CYLD: variants seen among roughly 807,000 people sequenced by gnomAD.
CYLD encodes CYLD lysine 63 deubiquitinase.
Under a neutral mutation model 104.5 loss-of-function variants are expected in CYLD, and 26 were observed. The ratio of observed to expected loss-of-function variants is 0.25; its 90% CI spans 0.18 to 0.35. The LOEUF (loss-of-function observed/expected upper bound fraction) is 0.35, where lower values mean the gene tolerates loss of function less well. Ranked by LOEUF, CYLD falls within the 10% of genes least tolerant of loss-of-function variation. The probability of loss-of-function intolerance (pLI) is 1.00; values close to 1 mark genes in which losing one functional copy is unlikely to be tolerated. For missense variants in CYLD, 703 were observed against 1,136.1 expected (o/e 0.62, Z 5.48); for synonymous variants, 385 against 399.9 (o/e 0.96, Z 0.45).
At chr16:50,745,261 A>T (rs903777790) in intron 2 of CYLD, among the ~76,000 whole-genome samples, 1 of 150,326 alleles carries the variant, frequency 6.7e-6, no homozygotes, top group African/African-American at 2.5e-5. Context: ...TTTTTCCTTC[A>T]GTTGTCTTAC....
In CYLD at chr16:50,751,866, C is replaced by A; in HGVS notation, c.767C>A (p.Pro256Gln). 6.2e-7 allele frequency: 1 copy of A among 1,611,952 alleles called. No homozygotes were observed. Among genetic ancestry groups the A allele is most frequent in the South Asian group, 1.1e-5 (1 of 90,982 alleles). ...ACAGTTATATTCTGTGATGTTTTGCCAGGAAAAGAAAGCTTAGGATATTTT... is the reference window on the plus strand; with the variant it reads ...ACAGTTATATTCTGTGATGTTTTGCAAGGAAAAGAAAGCTTAGGATATTTT... ...SGTVIFCDVL[P>Q]GKESLGYFVG... Residue 256 changes from proline (P) to glutamine (Q), a missense_variant, in exon 4 of 19, where the codon CCA (proline) becomes CAA (glutamine). Physicochemically the swap from Pro to Gln is moderately conservative, Grantham distance 76. Coordinates refer to ENST00000427738, the MANE Select transcript of CYLD (RefSeq NM_001378743.1).
Position 50,799,450 on chromosome 16 carries a change from G to C in CYLD, c.*2942G>C. The C allele has an allele frequency of 4.3e-6, 1 of 233,654 alleles. No homozygotes were observed. The highest frequency in any genetic ancestry group is 8.5e-6 in the Non-Finnish European group (1 of 117,988). The allele number at this position is 233,654 out of a possible 1,614,324, so 14.5% of individuals were successfully genotyped here. A position where few individuals can be genotyped will look rare whatever the true frequency, so the allele number is the denominator to read the frequency against. Reference sequence around the variant, plus strand: ...CACAGAAGAATGTTTTATAAGACTAGGAAAACACGTTGAAAACTAGGATAA... The same window carrying C: ...CACAGAAGAATGTTTTATAAGACTACGAAAACACGTTGAAAACTAGGATAA... On this transcript the variant is annotated 3_prime_UTR_variant, in exon 19 of 19. Coordinates refer to ENST00000427738, the MANE Select transcript of CYLD (RefSeq NM_001378743.1).
intron 2 of CYLD, chr16:50,744,836 G>A (rs188438281): frequency 3.9e-5 from 6 of 152,296 alleles, no homozygotes; most frequent in East Asian, 3.8e-4. Context: ...TCCAACTCTC[G>A]TCTTGGTTGA....
In CYLD at chr16:50,797,407, C is replaced by A. The variant is rs895898842; in HGVS notation, c.*899C>A. 4.3e-5 allele frequency: 10 copies of A among 232,002 alleles called. No homozygotes were observed. The highest frequency in any genetic ancestry group is 1.8e-4 in the African/African-American group (8 of 45,276). 14.4% of individuals were successfully genotyped at this position (232,002 alleles called of 1,614,324 possible). The stretch of plus-strand genomic sequence containing the variant: ...TTCCTGGGAGAGATGGATATTTAAA[C>A]CTCTATTATTTTAGACAAGACTGTC... On this transcript the variant is annotated 3_prime_UTR_variant, in exon 19 of 19. Transcript: ENST00000427738.
intron 5 of CYLD, among the ~76,000 whole-genome samples, chr16:50,756,708 C>T (rs1218154425): frequency 6.6e-6 from 1 of 152,170 alleles, no homozygotes; most frequent in African/African-American, 2.4e-5. Flanking sequence ...GGCCTGCAGG[C>T]AGACTGTAGC....
At chr16:50,748,928 C>T (rs1966414270) in intron 2 of CYLD, among the ~76,000 whole-genome samples, 1 of 152,164 alleles carries the variant, frequency 6.6e-6, no homozygotes. Flanking sequence ...TGGGACAGGC[C>T]TGGTGGCTTA....
chr16:50,779,646 A>G lies in CYLD; in HGVS notation c.1139-19A>G. The G allele has an allele frequency of 1.2e-6, 2 of 1,612,046 alleles. No homozygotes were observed. The highest frequency in any genetic ancestry group is 1.7e-6 in the Non-Finnish European group (2 of 1,178,824). On this transcript the variant is annotated intron_variant, in intron 8 of 18. Transcript: ENST00000427738. ...CAATATCCTTGAATACATTTCTGTA[A>G]TTAGGAATAATTTTTTAGTTGCAGA...
At chr16:50,776,336 AT>A (rs1178941762) in intron 7 of CYLD, 59 bp downstream of exon 7, 2 of 1,153,978 alleles carry the variant, frequency 1.7e-6, no homozygotes, top group African/African-American at 3.0e-5. Context: ...TTGCCATAGC[AT>A]TAAAAAAGAT....
Position 50,755,238 on chromosome 16 carries a change from TAC to T in CYLD, c.913+820_913+821del, listed in dbSNP as rs1426253184. On this transcript the variant is annotated intron_variant, in intron 5 of 18. Coordinates refer to ENST00000427738, the MANE Select transcript of CYLD (RefSeq NM_001378743.1). ...ACACACGTGTACATATGTGTGTATA[TAC>T]ACACATATGTGTACTACATTTTCTT... Among the ~76,000 whole-genome samples the T allele has an allele frequency of 3.3e-5, 5 of 150,898 alleles. No homozygotes were observed. In the South Asian group the frequency reaches 8.3e-4, roughly 25 times the overall value.
chr16:50,793,399 A>C (rs1381031759), intron 16 of CYLD, 147 bp from the exon 17 acceptor site: 1 of 742,198 alleles, frequency 1.3e-6, no homozygotes, highest in Non-Finnish European at 2.5e-6. Flanking sequence ...ACTAACTGAG[A>C]GCTTAAGCAG....
At chr16:50,782,571 A>T in intron 11 of CYLD, 105 bp downstream of exon 11, 1 of 1,232,912 alleles carries the variant, frequency 8.1e-7, no homozygotes, top group Non-Finnish European at 1.2e-6. Context: ...AGAAACTGCC[A>T]TCTGCCTCTG....
intron 1 of CYLD, 183 bp downstream of exon 1, chr16:50,742,307 G>C: frequency 6.6e-6 from 1 of 151,262 alleles, no homozygotes; most frequent in Non-Finnish European, 1.5e-5. Context: ...AGCCGCCGCG[G>C]CGACCATCGG....
intron 5 of CYLD, among the ~76,000 whole-genome samples, chr16:50,756,454 T>C (rs757643543): frequency 6.6e-6 from 1 of 152,224 alleles, no homozygotes; most frequent in Admixed American, 6.5e-5. Flanking sequence ...TAGTCAGAAA[T>C]AGATTGCTCA....
rs1484765330 is a variant in CYLD, at chr16:50,750,191, G to A, written c.493G>A (p.Val165Ile). ...ERTVSGIFFG[V>I]ELLEEGRGQG... ...GACAGTCTCCGGAATATTCTTTGGAGTTGAATTGCTGGTAAGTTTGATAAA... is the reference window on the plus strand; with the variant it reads ...GACAGTCTCCGGAATATTCTTTGGAATTGAATTGCTGGTAAGTTTGATAAA... Residue 165 changes from valine (V) to isoleucine (I), a missense_variant, in exon 3 of 19, where the codon GTT becomes ATT. Physicochemically the swap from Val to Ile is conservative, Grantham distance 29 (BLOSUM62 3). Coordinates refer to ENST00000427738, the MANE Select transcript of CYLD (RefSeq NM_001378743.1). 1.9e-6 allele frequency: 3 copies of A among 1,613,700 alleles called. No homozygotes were observed.
chr16:50,768,124 A>AT (rs201077557), intron 5 of CYLD, among the ~76,000 whole-genome samples: 21 of 151,268 alleles, frequency 1.4e-4, no homozygotes, highest in African/African-American at 3.7e-4. Context: ...AAAGAATGAT[A>AT]TTTTTTTTTC....
At chr16:50,773,765 A>G (rs1969381304) in intron 5 of CYLD, among the ~76,000 whole-genome samples, 1 of 152,206 alleles carries the variant, frequency 6.6e-6, no homozygotes, top group Non-Finnish European at 1.5e-5. Flanking sequence ...CCATGAACAC[A>G]GTTGTGACAA....
chr16:50,788,110 T>C (rs531686247), intron 14 of CYLD, among the ~76,000 whole-genome samples: 1 of 152,328 alleles, frequency 6.6e-6, no homozygotes, highest in African/African-American at 2.4e-5. Context: ...TTGCAAATCA[T>C]TTTCTTTTGA....
chr16:50,745,673 A>T (rs1347915328), intron 2 of CYLD, among the ~76,000 whole-genome samples: 3 of 152,018 alleles, frequency 2.0e-5, no homozygotes, highest in Admixed American at 2.0e-4. Context: ...CTCCCACTTC[A>T]GCCTCCAAAG....
chr16:50,796,030 A>G (rs1597098268), intron 18 of CYLD, among the ~76,000 whole-genome samples: 1 of 152,282 alleles, frequency 6.6e-6, no homozygotes, highest in Middle Eastern at 3.4e-3. Flanking sequence ...TGTCGTCTAC[A>G]TATGTATTGA....
Sources: allele counts gnomAD v4.1 joint callset (sites outside exome capture counted in the v4.1 genomes callset), GRCh38; gene constraint gnomAD v4.1.1; transcripts MANE v1.5; gene names NCBI Gene and HGNC (gene_info 2026-07-23, HGNC 2026-07-21).